KCNH8: variants seen among roughly 807,000 people sequenced by gnomAD.
KCNH8 encodes the protein potassium voltage-gated channel subfamily H member 8.
A neutral mutation model predicts 103.6 loss-of-function variants in KCNH8; 70 were observed. That is an observed-to-expected ratio of 0.68 (90% CI 0.56 to 0.82). The LOEUF (loss-of-function observed/expected upper bound fraction) is 0.82. KCNH8 is among the 40% of genes least tolerant of loss of function. The pLI, the probability that KCNH8 is intolerant of heterozygous loss-of-function variation, is 0.00. For synonymous variants in KCNH8, 498 were observed against 489.4 expected (o/e 1.02, Z -0.23); for missense variants, 1,217 against 1,329.9 (o/e 0.92, Z 1.32).
At chr3:19,400,685 T>C (rs1388049322) in intron 7 of KCNH8, among the ~76,000 whole-genome samples, 1 of 151,950 alleles carries the variant, frequency 6.6e-6, no homozygotes, top group Non-Finnish European at 1.5e-5. Context: ...AGACATCATT[T>C]TCAAATTTTC....
intron 11 of KCNH8, among the ~76,000 whole-genome samples, chr3:19,478,821 G>A (rs1259277787): frequency 6.6e-6 from 1 of 152,030 alleles, no homozygotes; most frequent in African/African-American, 2.4e-5. Context: ...TGCCCAGTAT[G>A]CCTTCCCCAT....
intron 8 of KCNH8, among the ~76,000 whole-genome samples, chr3:19,448,610 A>G (rs1178734476): frequency 6.6e-6 from 1 of 151,458 alleles, no homozygotes; most frequent in Non-Finnish European, 1.5e-5. Flanking sequence ...TGAAATACTC[A>G]GGAAGATAGA....
intron 3 of KCNH8, among the ~76,000 whole-genome samples, chr3:19,336,142 T>C (rs2065581761): frequency 6.6e-6 from 1 of 151,764 alleles, no homozygotes; most frequent in Non-Finnish European, 1.5e-5. Context: ...GTATTAGATA[T>C]TTTTATATCA....
Position 19,281,284 on chromosome 3 carries a change from A to G in KCNH8, c.397A>G (p.Ile133Val), listed in dbSNP as rs367828335. Residue 133 changes from isoleucine to valine, a missense_variant, in exon 3 of 16, where the codon ATA becomes GTA. This residue lies in a region of KCNH8 where 244 missense variants were observed against 256.8 expected (regional missense o/e 0.95). Transcript: ENST00000328405. ...VVLFLASFKDITDTKVKITPE... is the reference protein window; with the variant it reads ...VVLFLASFKDVTDTKVKITPE... ...ACTTTTTCTGGCCTCGTTCAAAGAT[A>G]TAACAGATACAAAAGTGAAGATTAC... 3 of 1,611,290 alleles carry G rather than the reference A, an allele frequency of 1.9e-6. No individual in the cohort carries two copies. Among genetic ancestry groups the G allele is most frequent in the East Asian group, 2.2e-5 (1 of 44,744 alleles).
At position 19,515,303 on chromosome 3, in the gene KCNH8, T is replaced by C; in HGVS notation, c.2436-19T>C. The C allele has an allele frequency of 2.1e-6, 3 of 1,420,540 alleles. No homozygotes were observed. Among genetic ancestry groups the C allele is most frequent in the Non-Finnish European group, 2.9e-6 (3 of 1,025,524 alleles). 88.0% of individuals were successfully genotyped at this position (1,420,540 alleles called of 1,614,324 possible). A position where few individuals can be genotyped will look rare whatever the true frequency, so the allele number is the denominator to read the frequency against. ...TGAATATGAATCCACAGCCAGCCAA[T>C]TTCCTTTATTTTAAGTAGGATTGTT... is the stretch of plus-strand genomic sequence containing the variant. On this transcript the variant is annotated intron_variant, in intron 13 of 15. Coordinates refer to ENST00000328405, the MANE Select transcript of KCNH8 (RefSeq NM_144633.3).
intron 1 of KCNH8, among the ~76,000 whole-genome samples, chr3:19,222,555 A>C (rs2063887323): frequency 6.6e-6 from 1 of 152,218 alleles, no homozygotes; most frequent in Non-Finnish European, 1.5e-5. Context: ...CATCAATCTA[A>C]CTGCAGTAAT....
At chr3:19,365,134 C>T (rs1037987352) in intron 5 of KCNH8, among the ~76,000 whole-genome samples, 6 of 152,088 alleles carry the variant, frequency 3.9e-5, no homozygotes, top group African/African-American at 1.4e-4. Flanking sequence ...CAAAATCATA[C>T]TCAAGGACAA....
chr3:19,373,681 G>T (rs1349040984), intron 5 of KCNH8, among the ~76,000 whole-genome samples: 1 of 151,528 alleles, frequency 6.6e-6, no homozygotes, highest in Non-Finnish European at 1.5e-5. Flanking sequence ...TGCTTTTCTA[G>T]TTCTTTTAAT....
chr3:19,290,840 A>G (rs1201562272), intron 3 of KCNH8, among the ~76,000 whole-genome samples: 1 of 152,120 alleles, frequency 6.6e-6, no homozygotes, highest in Non-Finnish European at 1.5e-5. Flanking sequence ...TCCTCTTTGT[A>G]CCTGTGGTAG....
intron 3 of KCNH8, among the ~76,000 whole-genome samples, chr3:19,292,529 G>A (rs2064942733): frequency 6.6e-6 from 1 of 152,156 alleles, no homozygotes; most frequent in African/African-American, 2.4e-5. Context: ...TATGTGCATT[G>A]CCTTTAGCTA....
chr3:19,359,149 T>G (rs541792809), intron 5 of KCNH8, among the ~76,000 whole-genome samples: 1 of 149,356 alleles, frequency 6.7e-6, no homozygotes, highest in African/African-American at 2.4e-5. Flanking sequence ...GAATTAAATC[T>G]AATACAAAAT....
intron 10 of KCNH8, among the ~76,000 whole-genome samples, 163 bp downstream of exon 10, chr3:19,451,567 C>T (rs2067449074): frequency 6.6e-6 from 1 of 151,968 alleles, no homozygotes; most frequent in South Asian, 2.1e-4. Context: ...GTGTTATATC[C>T]AACATATTAT....
chr3:19,193,800 C>T (rs2063575256), intron 1 of KCNH8, among the ~76,000 whole-genome samples: 1 of 151,728 alleles, frequency 6.6e-6, no homozygotes, highest in African/African-American at 2.4e-5. Flanking sequence ...AACTTGAAAG[C>T]TTCAAACATC....
At chr3:19,178,074 G>A (rs139478148) in intron 1 of KCNH8, among the ~76,000 whole-genome samples, 201 of 151,914 alleles carry the variant, frequency 1.3e-3, no homozygotes, top group African/African-American at 4.7e-3. Context: ...ATGCCTTCTA[G>A]CGACACTGAA....
chr3:19,191,185 A>G (rs572734277), intron 1 of KCNH8, among the ~76,000 whole-genome samples: 1 of 151,952 alleles, frequency 6.6e-6, no homozygotes, highest in African/African-American at 2.4e-5. Flanking sequence ...TCCACAAGAT[A>G]GAGCCCTAGA....
chr3:19,397,532 T>TAC (rs1491123594), intron 7 of KCNH8, among the ~76,000 whole-genome samples: 1 of 147,010 alleles, frequency 6.8e-6, no homozygotes, highest in Non-Finnish European at 1.5e-5. Flanking sequence ...TGTGTATATA[T>TAC]ACACACATAT....
intron 11 of KCNH8, among the ~76,000 whole-genome samples, chr3:19,461,321 G>T (rs1450426611): frequency 6.6e-6 from 1 of 152,084 alleles, no homozygotes; most frequent in South Asian, 2.1e-4. Flanking sequence ...AGATAAGTTT[G>T]GACCTCTGTT....
chr3:19,531,805 T>C (rs1054369458), intron 15 of KCNH8, among the ~76,000 whole-genome samples: 2 of 152,220 alleles, frequency 1.3e-5, no homozygotes, highest in Non-Finnish European at 2.9e-5. Flanking sequence ...CTTGAATGAA[T>C]CTTCAGTTCA....
intron 1 of KCNH8, among the ~76,000 whole-genome samples, chr3:19,248,770 T>C (rs1372443681): frequency 6.6e-6 from 1 of 152,196 alleles, no homozygotes; most frequent in Non-Finnish European, 1.5e-5. Flanking sequence ...CTCTCTTTTT[T>C]ATTTTCATCT....
Sources: allele counts gnomAD v4.1 joint callset (sites outside exome capture counted in the v4.1 genomes callset), GRCh38; gene constraint gnomAD v4.1.1; regional missense constraint gnomAD v4.1.1; transcripts MANE v1.5; gene names NCBI Gene and HGNC (gene_info 2026-07-23, HGNC 2026-07-21).